HCN1: variants seen among roughly 807,000 people sequenced by gnomAD.
HCN1 encodes the protein hyperpolarization activated cyclic nucleotide gated potassium channel 1.
A neutral mutation model predicts 78.9 loss-of-function variants in HCN1; 13 were observed. The ratio of observed to expected loss-of-function variants is 0.16; its 90% CI spans 0.11 to 0.26. HCN1 has a LOEUF of 0.26. Among genes scored for constraint, HCN1 ranks in the 10% least tolerant of loss-of-function variants. HCN1 has a pLI of 1.00. For missense variants in HCN1, 810 were observed against 1,154.3 expected (o/e 0.70, Z 4.32); for synonymous variants, 552 against 455.5 (o/e 1.21, Z -2.70).
At chr5:45,523,294 T>G (rs895969776) in intron 2 of HCN1, among the ~76,000 whole-genome samples, 6 of 152,172 alleles carry the variant, frequency 3.9e-5, no homozygotes, top group African/African-American at 1.4e-4. Flanking sequence ...GTCTTTGCTA[T>G]TGTGAATAGT....
intron 2 of HCN1, among the ~76,000 whole-genome samples, chr5:45,604,840 TTTATAG>T (rs1744694804): frequency 6.6e-6 from 1 of 152,058 alleles, no homozygotes; most frequent in South Asian, 2.1e-4. Flanking sequence ...GGAATATGGC[TTTATAG>T]TTATAAAGTT....
intron 1 of HCN1, among the ~76,000 whole-genome samples, chr5:45,658,692 G>C (rs4502839): frequency 0.5 from 74,623 of 149,844 alleles, 19,762 homozygotes; most frequent in African/African-American, 0.68. Flanking sequence ...AAAGGGGTGA[G>C]GGACGCACCT....
intron 3 of HCN1, among the ~76,000 whole-genome samples, chr5:45,454,050 T>TA (rs1482750995): frequency 2.6e-5 from 4 of 152,156 alleles, no homozygotes; most frequent in African/African-American, 9.6e-5. Flanking sequence ...GGCTTGGTCT[T>TA]ACATTGCTAA....
At chr5:45,315,725 AG>A (rs544964612) in intron 5 of HCN1, among the ~76,000 whole-genome samples, 20 of 152,262 alleles carry the variant, frequency 1.3e-4, no homozygotes, top group Non-Finnish European at 2.6e-4. Flanking sequence ...AAAATGGTAA[AG>A]GGGATATCAC....
At chr5:45,545,993 A>G (rs920023200) in intron 2 of HCN1, among the ~76,000 whole-genome samples, 1 of 152,010 alleles carries the variant, frequency 6.6e-6, no homozygotes, top group African/African-American at 2.4e-5. Context: ...CTCTGCTTCA[A>G]TGATGGTTTA....
Position 45,257,274 on chromosome 5 carries a change from T to G in HCN1, c.*4647A>C, listed in dbSNP as rs1456146719. 1 of 152,248 alleles carries G rather than the reference T, an allele frequency of 6.6e-6. No individual in the cohort carries two copies. The highest frequency in any genetic ancestry group is 1.5e-5 in the Non-Finnish European group (1 of 68,052). 9.4% of individuals were successfully genotyped at this position (152,248 alleles called of 1,614,324 possible). On this transcript the variant is annotated 3_prime_UTR_variant, in exon 8 of 8. Transcript: ENST00000303230. Reference sequence around the variant, plus strand: ...GTTTTTGAAATCCCTATTTCCCACTTGATCTGGGTTCCTCTTCACCCTGTG... The same window carrying G: ...GTTTTTGAAATCCCTATTTCCCACTGGATCTGGGTTCCTCTTCACCCTGTG...
In HCN1 at chr5:45,261,814, T is replaced by C; in HGVS notation, c.*107A>G. On this transcript the variant is annotated 3_prime_UTR_variant, in exon 8 of 8. Coordinates refer to ENST00000303230, the MANE Select transcript of HCN1 (RefSeq NM_021072.4). Reference sequence around the variant, plus strand: ...GTAGGCCACAGCTGTCTAAAATATCTCTTCATAGTAGGCTAGAGGGATCTA... The same window carrying C: ...GTAGGCCACAGCTGTCTAAAATATCCCTTCATAGTAGGCTAGAGGGATCTA... 3 of 1,392,532 alleles carry C rather than the reference T, an allele frequency of 2.2e-6. No individual in the cohort carries two copies. Among genetic ancestry groups the C allele is most frequent in the Non-Finnish European group, 3.0e-6 (3 of 987,758 alleles). The allele number at this position is 1,392,532 out of a possible 1,614,324, so 86.3% of individuals were successfully genotyped here. A position where few individuals can be genotyped will look rare whatever the true frequency, so the allele number is the denominator to read the frequency against.
intron 2 of HCN1, among the ~76,000 whole-genome samples, chr5:45,546,663 T>C (rs1743236253): frequency 6.6e-6 from 1 of 151,892 alleles, no homozygotes; most frequent in Non-Finnish European, 1.5e-5. Flanking sequence ...CTCTCTCTCC[T>C]TTCCTGTATT....
chr5:45,304,754 G>C lies in HCN1; in HGVS notation c.1378-915C>G, dbSNP rs901890615. Among the ~76,000 whole-genome samples the C allele has an allele frequency of 2.0e-5, 3 of 152,206 alleles. No individual in the cohort carries two copies. The East Asian group carries it at 5.8e-4, about 30-fold the overall frequency. ...GAAATCATTCTTTCTAAAGACTCCT[G>C]GGATTCCCCTGCAAGTGATGGGCTA... On this transcript the variant is annotated intron_variant, in intron 5 of 7. Coordinates refer to ENST00000303230, the MANE Select transcript of HCN1 (RefSeq NM_021072.4).
intron 1 of HCN1, among the ~76,000 whole-genome samples, chr5:45,680,837 A>T (rs1048572886): frequency 6.6e-6 from 1 of 152,116 alleles, no homozygotes; most frequent in African/African-American, 2.4e-5. Context: ...GAAGGTAGGT[A>T]ATCATTTTTT....
chr5:45,577,919 G>A (rs1219774264), intron 2 of HCN1, among the ~76,000 whole-genome samples: 1 of 152,046 alleles, frequency 6.6e-6, no homozygotes, highest in African/African-American at 2.4e-5. Flanking sequence ...TAACCAGAGA[G>A]TAGGGTGGTT....
At chr5:45,642,643 A>G (rs1437197865) in intron 2 of HCN1, 1 of 152,234 alleles carries the variant, frequency 6.6e-6, no homozygotes, top group East Asian at 1.9e-4. Flanking sequence ...GGGTGAACTC[A>G]CATCTTCCTC....
At chr5:45,285,571 G>A (rs772159273) in intron 6 of HCN1, among the ~76,000 whole-genome samples, 5 of 151,892 alleles carry the variant, frequency 3.3e-5, no homozygotes, top group African/African-American at 1.2e-4. Context: ...AGTTATTAAA[G>A]GTATTTATAT....
intron 2 of HCN1, among the ~76,000 whole-genome samples, chr5:45,469,051 T>C (rs6871092): frequency 0.32 from 49,074 of 151,726 alleles, 8,288 homozygotes; most frequent in East Asian, 0.47. Context: ...ATAGGTGACA[T>C]TTTGGTATAG....
rs933616742 is a variant in HCN1, at chr5:45,261,820, T to A, written c.*101A>T. On this transcript the variant is annotated 3_prime_UTR_variant, in exon 8 of 8. Coordinates refer to ENST00000303230, the MANE Select transcript of HCN1 (RefSeq NM_021072.4). ...CACAGCTGTCTAAAATATCTCTTCA[T>A]AGTAGGCTAGAGGGATCTATCAGGA... The A allele has an allele frequency of 1.4e-6, 2 of 1,440,892 alleles. No individual in the cohort carries two copies. The highest frequency in any genetic ancestry group is 2.8e-5 in the African/African-American group (2 of 71,550). 89.3% of individuals were successfully genotyped at this position (1,440,892 alleles called of 1,614,324 possible). A position where few individuals can be genotyped will look rare whatever the true frequency, so the allele number is the denominator to read the frequency against.
chr5:45,368,505 T>G (rs1747282801), intron 4 of HCN1, among the ~76,000 whole-genome samples: 1 of 152,068 alleles, frequency 6.6e-6, no homozygotes, highest in Non-Finnish European at 1.5e-5. Flanking sequence ...CATTAATTGA[T>G]AGAGAATGTT....
chr5:45,376,596 G>T (rs1747683281), intron 4 of HCN1, among the ~76,000 whole-genome samples: 1 of 151,634 alleles, frequency 6.6e-6, no homozygotes, highest in African/African-American at 2.4e-5. Context: ...ATAACATTTG[G>T]CTGGTGATTT....
chr5:45,537,799 C>T (rs1368232677), intron 2 of HCN1, among the ~76,000 whole-genome samples: 2 of 151,712 alleles, frequency 1.3e-5, no homozygotes, highest in Admixed American at 1.3e-4. Flanking sequence ...TTTTCCCAAT[C>T]ACTCTTTGTG....
intron 6 of HCN1, among the ~76,000 whole-genome samples, chr5:45,298,983 G>A (rs1413375820): frequency 2.0e-5 from 3 of 152,028 alleles, no homozygotes; most frequent in East Asian, 1.9e-4. Context: ...CAATTACTCC[G>A]ATCTAATCTT....
Sources: allele counts gnomAD v4.1 joint callset (sites outside exome capture counted in the v4.1 genomes callset), GRCh38; gene constraint gnomAD v4.1.1; transcripts MANE v1.5; gene names NCBI Gene and HGNC (gene_info 2026-07-23, HGNC 2026-07-21).